UBXN2A: variants seen among roughly 807,000 people sequenced by gnomAD.
The protein encoded by UBXN2A is UBX domain-containing protein 2A.
A neutral mutation model predicts 28.4 loss-of-function variants in UBXN2A; 28 were observed. The observed-to-expected ratio is 0.99, with a 90% CI of 0.73 to 1.35. The LOEUF (loss-of-function observed/expected upper bound fraction) is 1.35, where lower values mean the gene tolerates loss of function less well. Among genes scored for constraint, UBXN2A ranks in the 40% most tolerant of loss-of-function variants. UBXN2A has a pLI of 0.00. For synonymous variants in UBXN2A, 97 were observed against 103.6 expected (o/e 0.94, Z 0.39); for missense variants, 253 against 297.9 (o/e 0.85, Z 1.11).
rs191428282 is a variant in UBXN2A, at chr2:23,966,424, C to T, written c.42-4852C>T. Among the ~76,000 whole-genome samples the T allele has an allele frequency of 1.7e-3, 254 of 150,924 alleles. 3 individuals are homozygous for T. Among genetic ancestry groups the T allele is most frequent in the African/African-American group, 4.6e-3 (187 of 41,062 alleles). Reference sequence around the variant, plus strand: ...TGCTAGGATTACAGGCGTGAGCCACCGCACCTGGCCTGGTAGATATTTTCT... The same window carrying T: ...TGCTAGGATTACAGGCGTGAGCCACTGCACCTGGCCTGGTAGATATTTTCT... On this transcript the variant is annotated intron_variant, in intron 2 of 6. Transcript: ENST00000309033.
intron 1 of UBXN2A, among the ~76,000 whole-genome samples, chr2:23,935,057 A>C (rs1275261613): frequency 6.6e-6 from 1 of 152,212 alleles, no homozygotes; most frequent in Non-Finnish European, 1.5e-5. Flanking sequence ...CCCAAGCAAC[A>C]AAGCAAGACC....
At chr2:23,940,802 G>C (rs1705715010) in intron 1 of UBXN2A, among the ~76,000 whole-genome samples, 154 bp downstream of exon 1, 1 of 152,032 alleles carries the variant, frequency 6.6e-6, no homozygotes, top group South Asian at 2.1e-4. Context: ...GCGTGTTTGC[G>C]ACTCGGGAAG....
At chr2:23,993,304 G>A (rs1263977792) in intron 6 of UBXN2A, among the ~76,000 whole-genome samples, 1 of 152,166 alleles carries the variant, frequency 6.6e-6, no homozygotes, top group Non-Finnish European at 1.5e-5. Context: ...GAATAACAAT[G>A]AAACACGTAG....
upstream of UBXN2A, among the ~76,000 whole-genome samples, chr2:23,936,016 C>T (rs917385776): frequency 2.0e-5 from 3 of 152,080 alleles, no homozygotes; most frequent in Admixed American, 1.3e-4. Context: ...TGCACCAATG[C>T]ACTCCAGCCT....
At chr2:23,928,160 AG>A (rs2150774677) in intron 1 of UBXN2A, among the ~76,000 whole-genome samples, 1 of 150,678 alleles carries the variant, frequency 6.6e-6, no homozygotes, top group South Asian at 2.1e-4. Context: ...TGGATGACAG[AG>A]CCAGACCCTG....
chr2:23,937,822 C>T (rs997568004), upstream of UBXN2A, among the ~76,000 whole-genome samples: 25 of 152,142 alleles, frequency 1.6e-4, no homozygotes, highest in African/African-American at 5.8e-4. Flanking sequence ...TAAGTGAATT[C>T]GTCGTTGTGT....
chr2:23,998,753 A>G (rs1708637147), intron 6 of UBXN2A, among the ~76,000 whole-genome samples: 1 of 151,914 alleles, frequency 6.6e-6, no homozygotes, highest in Non-Finnish European at 1.5e-5. Flanking sequence ...TTTTTGAGAC[A>G]GGGTCTCACC....
In UBXN2A at chr2:23,982,945, G is replaced by A. The variant is rs752765109; in HGVS notation, c.337G>A (p.Val113Ile). 1.5e-5 allele frequency: 24 copies of A among 1,610,628 alleles called. No individual in the cohort carries two copies. In the Admixed American group the frequency reaches 2.8e-4, roughly 19 times the overall value. Residue 113 changes from valine (V) to isoleucine (I), a missense_variant, in exon 5 of 7, where the codon GTT (valine) becomes ATT (isoleucine). Physicochemically the swap from Val to Ile is conservative, Grantham distance 29. Transcript: ENST00000309033. ...QGIFDKEEVD[V>I]KVEDKKNEIC... ...AATTTTTGATAAAGAAGAGGTGGAC[G>A]TTAAAGTTGAAGACAAGAAAAATGA...
chr2:23,976,846 G>T, intron 3 of UBXN2A, 123 bp from the exon 4 acceptor site: 1 of 682,292 alleles, frequency 1.5e-6, no homozygotes, highest in Non-Finnish European at 2.4e-6. Flanking sequence ...CTCCCGAAGT[G>T]CTGGGATTAC....
chr2:23,962,402 A>G (rs933239504), intron 2 of UBXN2A, among the ~76,000 whole-genome samples: 2 of 152,166 alleles, frequency 1.3e-5, no homozygotes, highest in Non-Finnish European at 2.9e-5. Flanking sequence ...AAGGCAGCCT[A>G]TGGAATGGGA....
chr2:23,942,890 A>G (rs1355404604), intron 1 of UBXN2A, among the ~76,000 whole-genome samples: 2 of 152,188 alleles, frequency 1.3e-5, no homozygotes, highest in Admixed American at 6.5e-5. Flanking sequence ...TTTTAACAGT[A>G]ATAGGAAGTC....
In UBXN2A at chr2:23,999,883, G is replaced by A; in HGVS notation, c.*16G>A. 1 of 1,603,904 alleles carries A rather than the reference G, an allele frequency of 6.2e-7. No individual in the cohort carries two copies. Among genetic ancestry groups the A allele is most frequent in the Non-Finnish European group, 8.5e-7 (1 of 1,174,924 alleles). On this transcript the variant is annotated 3_prime_UTR_variant, in exon 7 of 7. Coordinates refer to ENST00000309033, the MANE Select transcript of UBXN2A (RefSeq NM_181713.4). Reference sequence around the variant, plus strand: ...AGAGCACTGATTTTTGATAGACTAAGTGGAAAATTTGCAGAGAAATGATGG... The same window carrying A: ...AGAGCACTGATTTTTGATAGACTAAATGGAAAATTTGCAGAGAAATGATGG...
At chr2:23,957,818 G>T (rs1374352676) in intron 1 of UBXN2A, among the ~76,000 whole-genome samples, 3 of 152,166 alleles carry the variant, frequency 2.0e-5, no homozygotes, top group Non-Finnish European at 4.4e-5. Flanking sequence ...TGGGCAACAA[G>T]AGCGGTACTC....
chr2:23,945,363 G>C (rs1706016272), intron 1 of UBXN2A, among the ~76,000 whole-genome samples: 2 of 152,166 alleles, frequency 1.3e-5, no homozygotes, highest in Non-Finnish European at 2.9e-5. Flanking sequence ...GCTAAAATAA[G>C]CTGAAACTTT....
At chr2:23,950,850 T>G (rs1706329339) in intron 1 of UBXN2A, among the ~76,000 whole-genome samples, 1 of 151,986 alleles carries the variant, frequency 6.6e-6, no homozygotes, top group Non-Finnish European at 1.5e-5. Context: ...ATTACAGGTA[T>G]GCGCCACCAC....
chr2:23,985,368 C>T (rs1192702109), intron 6 of UBXN2A, among the ~76,000 whole-genome samples: 1 of 152,086 alleles, frequency 6.6e-6, no homozygotes, highest in East Asian at 1.9e-4. Context: ...CCTGCCTCAG[C>T]GTCCAATGTA....
chr2:23,943,004 G>A (rs1268046773), intron 1 of UBXN2A, among the ~76,000 whole-genome samples: 1 of 150,960 alleles, frequency 6.6e-6, no homozygotes, highest in African/African-American at 2.4e-5. Flanking sequence ...CGCACAGGCA[G>A]GAGTGCTGTG....
At chr2:23,982,204 C>CA (rs145235779) in intron 4 of UBXN2A, among the ~76,000 whole-genome samples, 27,962 of 141,394 alleles carry the variant, frequency 0.2, 2,944 homozygotes, top group Middle Eastern at 0.29. Context: ...CTAAAAATAC[C>CA]AAAAAAAAAA....
chr2:23,947,914 G>A (rs939478276), intron 1 of UBXN2A, among the ~76,000 whole-genome samples: 7 of 152,042 alleles, frequency 4.6e-5, no homozygotes, highest in Non-Finnish European at 7.3e-5. Flanking sequence ...GAGTGCAATG[G>A]CGGGGGCTCA....
Sources: allele counts gnomAD v4.1 joint callset (sites outside exome capture counted in the v4.1 genomes callset), GRCh38; gene constraint gnomAD v4.1.1; transcripts MANE v1.5; gene names NCBI Gene and HGNC (gene_info 2026-07-23, HGNC 2026-07-21).